Variants in OTUD7A observed in about 807,000 individuals in gnomAD.
OTUD7A encodes OTU deubiquitinase 7A, also known as OTU domain-containing protein 7A.
OTUD7A carries 12 observed loss-of-function variants against 65.7 expected under a neutral mutation model. The ratio of observed to expected loss-of-function variants is 0.18; its 90% CI spans 0.12 to 0.30. The LOEUF (loss-of-function observed/expected upper bound fraction) is 0.30. OTUD7A is among the 10% of genes least tolerant of loss of function. The pLI, the probability that OTUD7A is intolerant of heterozygous loss-of-function variation, is 1.00. For synonymous variants in OTUD7A, 641 were observed against 586.3 expected, an observed-to-expected ratio of 1.09 and a Z score of -1.35; for missense variants, 1,148 against 1,304.8, an observed-to-expected ratio of 0.88 and a Z score of 1.85.
rs938213216 is a variant in OTUD7A, at chr15:31,487,826, T to C, written c.1172-260A>G. 6.6e-6 allele frequency among the ~76,000 whole-genome samples: 1 copy of C among 152,160 alleles called. No homozygotes were observed. Among genetic ancestry groups the C allele is most frequent in the African/African-American group, 2.4e-5 (1 of 41,434 alleles). On this transcript the variant is annotated intron_variant, in intron 10 of 12. Coordinates refer to ENST00000307050, the MANE Select transcript of OTUD7A (RefSeq NM_001382637.1). The surrounding 1 kb of genome is among the most constrained non-coding windows in gnomAD (Gnocchi z 6.0). ...GGTCTGTCCAATGGCAGATACTCCA[T>C]TGGGCAGCAGAATGGGAAAAAAGCT... is the stretch of plus-strand genomic sequence containing the variant.
At chr15:31,832,497 T>C (rs1896958253) in intron 1 of OTUD7A, among the ~76,000 whole-genome samples, 1 of 152,230 alleles carries the variant, frequency 6.6e-6, no homozygotes, top group African/African-American at 2.4e-5. Flanking sequence ...CATTTTTAAG[T>C]GTACACTTCT....
intron 3 of OTUD7A, among the ~76,000 whole-genome samples, chr15:31,646,077 G>A (rs1891653122): frequency 6.6e-6 from 1 of 152,192 alleles, no homozygotes; most frequent in African/African-American, 2.4e-5. Context: ...ATCTTAAAAA[G>A]TGTTTAACGA....
At chr15:31,869,766 A>T (rs1156317521) in intron 1 of OTUD7A, among the ~76,000 whole-genome samples, 1 of 152,176 alleles carries the variant, frequency 6.6e-6, no homozygotes, top group Non-Finnish European at 1.5e-5. Context: ...CTTCACCGGG[A>T]GGGAGGAGGG....
At chr15:31,808,464 G>A (rs890266532) in intron 1 of OTUD7A, among the ~76,000 whole-genome samples, 5 of 152,126 alleles carry the variant, frequency 3.3e-5, no homozygotes, top group African/African-American at 7.2e-5. Flanking sequence ...TGCCTGACTC[G>A]GAGGTCCAGC....
chr15:31,585,474 CAGG>C (rs1889503449), intron 3 of OTUD7A, among the ~76,000 whole-genome samples: 1 of 152,232 alleles, frequency 6.6e-6, no homozygotes. Context: ...ATGCTGCACC[CAGG>C]AGAATACCTA....
chr15:31,483,443 A>T lies in OTUD7A; in HGVS notation c.2653T>A (p.Cys885Ser). The T allele has an allele frequency of 7.2e-7, 1 of 1,382,304 alleles. No homozygotes were observed. The highest frequency in any genetic ancestry group is 9.4e-7 in the Non-Finnish European group (1 of 1,068,468). 85.6% of individuals were successfully genotyped at this position (1,382,304 alleles called of 1,614,324 possible). ...ACCGGCCCCGGGCCGCCACGGCCGC[A>T]CTCACCGTTCGAGCGCGCGGTCGGC... Reference protein sequence around the residue: ...DAPTARSNGECGRGGPGPVQR... With the variant: ...DAPTARSNGESGRGGPGPVQR... The change falls in exon 13 of 13, where the codon TGC becomes AGC. Residue 885 changes from cysteine to serine, a missense_variant. By Grantham distance (112) the Cys-to-Ser change is moderately radical. This residue lies in a region of OTUD7A where 842 missense variants were observed against 769.5 expected (regional missense o/e 1.09). Coordinates refer to ENST00000307050, the MANE Select transcript of OTUD7A (RefSeq NM_001382637.1).
intron 1 of OTUD7A, among the ~76,000 whole-genome samples, chr15:31,794,309 A>C (rs960623055): frequency 2.0e-5 from 3 of 152,220 alleles, no homozygotes; most frequent in Admixed American, 1.3e-4. Flanking sequence ...ATAGATTTGC[A>C]GTATGCAGTA....
At chr15:31,679,316 A>G (rs1038508758) in intron 1 of OTUD7A, among the ~76,000 whole-genome samples, 3 of 152,000 alleles carry the variant, frequency 2.0e-5, no homozygotes, top group Admixed American at 6.6e-5. Flanking sequence ...ATAAGTTAAG[A>G]CTTTGGGGGA....
At chr15:31,798,206 TG>T (rs201822934) in intron 1 of OTUD7A, among the ~76,000 whole-genome samples, 2 of 151,942 alleles carry the variant, frequency 1.3e-5, no homozygotes, top group African/African-American at 2.4e-5. Context: ...AGGCATTTTG[TG>T]GGGGGGTGGG....
intron 9 of OTUD7A, among the ~76,000 whole-genome samples, chr15:31,503,310 C>T (rs750853582): frequency 2.0e-5 from 3 of 152,224 alleles, no homozygotes; most frequent in Non-Finnish European, 2.9e-5. Flanking sequence ...TAGTCTTTAA[C>T]ACACATGTGG....
chr15:31,710,298 A>G (rs1362866815), intron 1 of OTUD7A, among the ~76,000 whole-genome samples: 2 of 150,118 alleles, frequency 1.3e-5, no homozygotes, highest in Non-Finnish European at 3.0e-5. Context: ...TTTGCTATTT[A>G]TCACAGAAAG....
At chr15:31,762,291 G>A (rs769657002) in intron 1 of OTUD7A, among the ~76,000 whole-genome samples, 1 of 152,192 alleles carries the variant, frequency 6.6e-6, no homozygotes, top group Non-Finnish European at 1.5e-5. Flanking sequence ...CTGCCCACAG[G>A]AGCTGTGGTC....
At chr15:31,563,693 C>G (rs377356664) in intron 4 of OTUD7A, among the ~76,000 whole-genome samples, 1 of 152,228 alleles carries the variant, frequency 6.6e-6, no homozygotes, top group Non-Finnish European at 1.5e-5. Flanking sequence ...CTTTCCCTAA[C>G]ACACTGGGGA....
intron 1 of OTUD7A, among the ~76,000 whole-genome samples, chr15:31,817,275 G>GC (rs71424623): frequency 0.57 from 81,797 of 143,004 alleles, 23,341 homozygotes; most frequent in East Asian, 0.66. Flanking sequence ...TAGATCATTT[G>GC]CCCCCCCCCA....
At chr15:31,855,449 G>A (rs542836549) in intron 1 of OTUD7A, among the ~76,000 whole-genome samples, 19 of 152,084 alleles carry the variant, frequency 1.2e-4, no homozygotes, top group South Asian at 1.0e-3. Flanking sequence ...AAGAAAGGAG[G>A]AAAACAGAGC....
chr15:31,598,425 G>A (rs969574840), intron 3 of OTUD7A, among the ~76,000 whole-genome samples: 1 of 152,114 alleles, frequency 6.6e-6, no homozygotes, highest in African/African-American at 2.4e-5. Flanking sequence ...CCCTACCCAA[G>A]GGAAGCCGTG....
intron 3 of OTUD7A, among the ~76,000 whole-genome samples, chr15:31,624,978 T>C (rs1274968600): frequency 6.6e-6 from 1 of 152,220 alleles, no homozygotes; most frequent in South Asian, 2.1e-4. Flanking sequence ...CGATGGATTA[T>C]AGCCTATGTG....
Position 31,482,954 on chromosome 15 carries a change from A to T in OTUD7A, c.*340T>A, listed in dbSNP as rs1428052411. The T allele has an allele frequency of 1.3e-5, 2 of 153,600 alleles. No homozygotes were observed. The highest frequency in any genetic ancestry group is 4.8e-5 in the African/African-American group (2 of 41,420). 9.5% of individuals were successfully genotyped at this position (153,600 alleles called of 1,614,324 possible). A position where few individuals can be genotyped will look rare whatever the true frequency, so the allele number is the denominator to read the frequency against. On this transcript the variant is annotated 3_prime_UTR_variant, in exon 13 of 13. Transcript: ENST00000307050. Reference sequence around the variant, plus strand: ...AAAAAAAGCAAAAAAAGCATGTAAAACACTCCCTTCTTAAAACAAAGGGCT... The same window carrying T: ...AAAAAAAGCAAAAAAAGCATGTAAATCACTCCCTTCTTAAAACAAAGGGCT...
rs1017372655 is a variant in OTUD7A, at chr15:31,477,048, A to C, written c.*6246T>G. The C allele has an allele frequency of 6.6e-6, 1 of 152,406 alleles. No homozygotes were observed. The highest frequency in any genetic ancestry group is 1.5e-5 in the Non-Finnish European group (1 of 68,174). 9.4% of individuals were successfully genotyped at this position (152,406 alleles called of 1,614,324 possible). On this transcript the variant is annotated 3_prime_UTR_variant, in exon 13 of 13. Transcript: ENST00000307050. The stretch of plus-strand genomic sequence containing the variant: ...TGTGGTGTCAAGGCCCTGACCTTCC[A>C]GTGCACCTCCACCAGTGGCCAATGG...
Sources: allele counts gnomAD v4.1 joint callset (sites outside exome capture counted in the v4.1 genomes callset), GRCh38; gene constraint gnomAD v4.1.1; regional missense constraint gnomAD v4.1.1; non-coding constraint Gnocchi (gnomAD v3.1); transcripts MANE v1.5; gene names NCBI Gene and HGNC (gene_info 2026-07-23, HGNC 2026-07-21).